FGD3: variants seen among roughly 807,000 people sequenced by gnomAD.
FGD3 encodes the protein FYVE, RhoGEF and PH domain containing 3.
A neutral mutation model predicts 71.8 loss-of-function variants in FGD3; 45 were observed. The observed-to-expected ratio is 0.63, with a 90% confidence interval of 0.49 to 0.80. FGD3 has a LOEUF of 0.80. Among genes scored for constraint, FGD3 ranks in the 30% least tolerant of loss-of-function variants. FGD3 has a pLI of 0.00. For synonymous variants in FGD3, 378 were observed against 392.8 expected (o/e 0.96, Z 0.44); for missense variants, 844 against 951.5 (o/e 0.89, Z 1.49).
At chr9:92,958,597 G>T (rs1283580103) in intron 1 of FGD3, among the ~76,000 whole-genome samples, 2 of 152,098 alleles carry the variant, frequency 1.3e-5, no homozygotes, top group Non-Finnish European at 2.9e-5. Context: ...AGTTTTTTTT[G>T]TGTGTGGCTT....
chr9:93,031,037 GATGA>G (rs1012253001), intron 15 of FGD3, among the ~76,000 whole-genome samples: 16 of 152,070 alleles, frequency 1.1e-4, no homozygotes, highest in South Asian at 2.1e-4. Flanking sequence ...TGGATGGATG[GATGA>G]ATGAATGAGT....
chr9:93,008,607 A>T (rs1412648444), intron 6 of FGD3, among the ~76,000 whole-genome samples: 2 of 152,032 alleles, frequency 1.3e-5, no homozygotes, highest in Non-Finnish European at 2.9e-5. Context: ...ATTCCTGGGG[A>T]TATTCACTTG....
chr9:92,982,379 C>T (rs548893467), intron 3 of FGD3, among the ~76,000 whole-genome samples: 2 of 152,296 alleles, frequency 1.3e-5, no homozygotes, highest in Non-Finnish European at 2.9e-5. Context: ...CTTATTCACT[C>T]ATCTGTTGTT....
rs946012665 is a variant in FGD3 at position 93,023,678 on chromosome 9, T to C, written c.1557+1289T>C. Among the ~76,000 whole-genome samples the C allele has an allele frequency of 5.9e-5, 9 of 152,058 alleles. No homozygotes were observed. The South Asian group carries it at 1.7e-3, about 28-fold the overall frequency. On this transcript the variant is annotated intron_variant, in intron 14 of 17. Coordinates refer to ENST00000375482, the MANE Select transcript of FGD3 (RefSeq NM_001083536.2). The stretch of plus-strand genomic sequence containing the variant: ...ATGCCCTGGGTTCCCCTTGCCCTGC[T>C]AGGCCCCAGGGCCTTGACACCTGCT...
intron 1 of FGD3, among the ~76,000 whole-genome samples, chr9:92,959,488 G>A (rs1029717341): frequency 3.3e-5 from 5 of 151,908 alleles, no homozygotes; most frequent in Middle Eastern, 3.4e-3. Flanking sequence ...TAGAAGGATC[G>A]CTTGAGCCTG....
At chr9:92,983,698 T>C (rs1271217114) in intron 3 of FGD3, among the ~76,000 whole-genome samples, 1 of 152,240 alleles carries the variant, frequency 6.6e-6, no homozygotes, top group Non-Finnish European at 1.5e-5. Flanking sequence ...GTTCAATTTA[T>C]GGAAAAACTG....
intron 3 of FGD3, among the ~76,000 whole-genome samples, chr9:92,981,872 C>T (rs952678747): frequency 5.3e-5 from 8 of 151,974 alleles, no homozygotes; most frequent in Non-Finnish European, 1.0e-4. Context: ...CAGATACTAG[C>T]TGTACATATA....
chr9:92,986,512 G>A (rs1432298681), intron 3 of FGD3, among the ~76,000 whole-genome samples: 1 of 152,240 alleles, frequency 6.6e-6, no homozygotes, highest in Non-Finnish European at 1.5e-5. Flanking sequence ...TACAAAAATA[G>A]CAGCCCTTCC....
In FGD3 at chr9:93,029,002, T is replaced by G. The variant is rs1199785361; in HGVS notation, c.1558-872T>G. The stretch of plus-strand genomic sequence containing the variant: ...TCCTCACATGTCCTCACAGTTTTTT[T>G]TTTTTTTTTTTTTTTTTTTTTTTTT... On this transcript the variant is annotated intron_variant, in intron 14 of 17. Transcript: ENST00000375482. Among the ~76,000 whole-genome samples the G allele has an allele frequency of 4.2e-3, 125 of 30,056 alleles. 7 individuals are homozygous for G. Among genetic ancestry groups the G allele is most frequent in the African/African-American group, 6.0e-3 (19 of 3,152 alleles). 19.7% of individuals were successfully genotyped at this position (30,056 alleles called of 152,430 possible). A position where few individuals can be genotyped will look rare whatever the true frequency, so the allele number is the denominator to read the frequency against.
chr9:92,999,178 G>A (rs1305602049), intron 3 of FGD3, among the ~76,000 whole-genome samples: 1 of 152,154 alleles, frequency 6.6e-6, no homozygotes, highest in Non-Finnish European at 1.5e-5. Flanking sequence ...AATGGTGGAC[G>A]CCCCTCCCCC....
chr9:92,951,023 A>T (rs887666697), intron 1 of FGD3, among the ~76,000 whole-genome samples: 1 of 152,116 alleles, frequency 6.6e-6, no homozygotes, highest in Non-Finnish European at 1.5e-5. Context: ...GAAAGGTGGT[A>T]GAGGTGGTGG....
intron 3 of FGD3, among the ~76,000 whole-genome samples, chr9:92,977,938 C>A (rs1436987036): frequency 6.6e-6 from 1 of 152,112 alleles, no homozygotes; most frequent in Non-Finnish European, 1.5e-5. Flanking sequence ...CAATAAGATA[C>A]CAAATTATAA....
chr9:93,012,725 G>T (rs7023558), intron 8 of FGD3, among the ~76,000 whole-genome samples: 59,715 of 147,296 alleles, frequency 0.41, 13,363 homozygotes, highest in African/African-American at 0.58. Flanking sequence ...TACATAGAAT[G>T]CTCAGAACAG....
intron 7 of FGD3, 40 bp from the exon 8 acceptor site, chr9:93,011,174 C>G: frequency 6.2e-7 from 1 of 1,611,130 alleles, no homozygotes; most frequent in Non-Finnish European, 8.5e-7. Context: ...AAAAACGGAG[C>G]CACCGTGGCC....
Position 92,969,195 on chromosome 9 carries a change from G to A in FGD3, c.-217-6043G>A, listed in dbSNP as rs1209037703. ...TCTGGGCCACCCGGGTGCAGCGGGC[G>A]GCTCTTGCCCACAGGGCTGGGACCC... On this transcript the variant is annotated intron_variant, in intron 1 of 17. Transcript: ENST00000375482. This position sits in a 1 kb window ranked among gnomAD's most constrained non-coding sequence, Gnocchi z 4.5. 2.0e-5 allele frequency among the ~76,000 whole-genome samples: 3 copies of A among 152,214 alleles called. No homozygotes were observed. Among genetic ancestry groups the A allele is most frequent in the Non-Finnish European group, 2.9e-5 (2 of 68,028 alleles).
At chr9:93,028,197 GACACACACACACACACACACGCAC>G (rs1305892673) in intron 14 of FGD3, among the ~76,000 whole-genome samples, 102 of 147,320 alleles carry the variant, frequency 6.9e-4, no homozygotes, top group African/African-American at 1.9e-3. Flanking sequence ...CCCTAGCCCC[GACACACACACACACACACACGCAC>G]ACACACACAC....
chr9:93,029,948 C>A lies in FGD3; in HGVS notation c.1632C>A (p.Thr544=), dbSNP rs1287679696. The A allele has an allele frequency of 6.2e-7, 1 of 1,613,376 alleles. No individual in the cohort carries two copies. Among genetic ancestry groups the A allele is most frequent in the Non-Finnish European group, 8.5e-7 (1 of 1,179,710 alleles). ...AGAGCTGTAAGAGCTGTGGTGAGAC[C>A]TTCAACTCCATCACCAAGAGGAGGC... ...EKQSCKSCGE[T]FNSITKRRHH... The change falls in exon 15 of 18, where the codon ACC becomes ACA. Residue 544 remains threonine (T), a synonymous_variant. Transcript: ENST00000375482.
chr9:93,023,567 G>A (rs1354968035), intron 14 of FGD3, among the ~76,000 whole-genome samples: 2 of 152,110 alleles, frequency 1.3e-5, no homozygotes, highest in East Asian at 1.9e-4. Flanking sequence ...GGAAAGTGGT[G>A]CCCTGGCCTC....
chr9:92,979,265 T>G (rs1587826893), intron 3 of FGD3, among the ~76,000 whole-genome samples: 1 of 152,312 alleles, frequency 6.6e-6, no homozygotes, highest in Middle Eastern at 3.4e-3. Flanking sequence ...AGCTTTATTA[T>G]ATTGAGGTAG....
Sources: gnomAD v4.1 joint callset for allele counts (sites outside exome capture counted in the v4.1 genomes callset) on GRCh38, gnomAD v4.1.1 for gene constraint, Gnocchi (gnomAD v3.1) non-coding constraint, MANE v1.5 for transcripts, NCBI Gene and HGNC (gene_info 2026-07-23, HGNC 2026-07-21) for gene names.